OPCML: variants seen among roughly 807,000 people sequenced by gnomAD.
OPCML encodes the protein opioid binding protein/cell adhesion molecule like.
Under a neutral mutation model 37.8 loss-of-function variants are expected in OPCML, and 13 were observed. That is an observed-to-expected ratio of 0.34 (90% confidence interval 0.22 to 0.55). OPCML has a LOEUF of 0.55. OPCML is among the 20% of genes least tolerant of loss of function. The pLI is 0.91. For synonymous variants in OPCML, 176 were observed against 168.8 expected, an observed-to-expected ratio of 1.04 and a Z score of -0.33; for missense variants, 341 against 435.6, an observed-to-expected ratio of 0.78 and a Z score of 1.93.
intron 3 of OPCML, among the ~76,000 whole-genome samples, chr11:132,621,326 T>C (rs573904461): frequency 6.6e-6 from 1 of 152,288 alleles, no homozygotes; most frequent in South Asian, 2.1e-4. Context: ...AAATTAGTAG[T>C]TGTACATTCA....
At chr11:133,413,978 G>C (rs537939884) in intron 1 of OPCML, among the ~76,000 whole-genome samples, 1 of 152,164 alleles carries the variant, frequency 6.6e-6, no homozygotes, top group Non-Finnish European at 1.5e-5. Flanking sequence ...AAGAGGGAAT[G>C]TTCCCTCTCC....
chr11:133,330,163 G>T (rs1034176144), intron 1 of OPCML, among the ~76,000 whole-genome samples: 7 of 152,148 alleles, frequency 4.6e-5, no homozygotes, highest in African/African-American at 1.4e-4. Context: ...TTAGAATGGT[G>T]ATCATTAAAA....
intron 2 of OPCML, among the ~76,000 whole-genome samples, chr11:132,809,912 C>G (rs1004077042): frequency 4.6e-5 from 7 of 152,108 alleles, no homozygotes; most frequent in Non-Finnish European, 8.8e-5. Context: ...TGCAGTGGCG[C>G]GATCTCGGCT....
intron 1 of OPCML, among the ~76,000 whole-genome samples, chr11:133,507,602 G>A (rs549342950): frequency 2.0e-4 from 30 of 152,178 alleles, no homozygotes; most frequent in Admixed American, 4.6e-4. Context: ...TGATTATGGC[G>A]ACAACAATGT....
At chr11:132,606,658 C>A (rs2137814908) in intron 3 of OPCML, among the ~76,000 whole-genome samples, 1 of 131,324 alleles carries the variant, frequency 7.6e-6, no homozygotes, top group Non-Finnish European at 1.7e-5. Flanking sequence ...CCTTTTCCCA[C>A]TTCTGGGCCA....
intron 1 of OPCML, among the ~76,000 whole-genome samples, chr11:133,209,141 A>C (rs532274996): frequency 6.6e-6 from 1 of 152,352 alleles, no homozygotes; most frequent in African/African-American, 2.4e-5. Context: ...TACAGCTGTG[A>C]TTAAATAATT....
intron 2 of OPCML, chr11:132,859,296 G>A (rs1942194659): frequency 6.6e-6 from 1 of 152,172 alleles, no homozygotes; most frequent in Non-Finnish European, 1.5e-5. Context: ...CAAAGTATCA[G>A]GTTTTCAGAG....
At chr11:132,827,048 CT>C (rs1940390289) in intron 2 of OPCML, among the ~76,000 whole-genome samples, 1 of 152,250 alleles carries the variant, frequency 6.6e-6, no homozygotes, top group Non-Finnish European at 1.5e-5. Context: ...CAGAATTTCT[CT>C]TGTTCCATGG....
intron 1 of OPCML, among the ~76,000 whole-genome samples, chr11:133,405,261 T>G (rs1389810437): frequency 6.6e-6 from 1 of 152,130 alleles, no homozygotes; most frequent in Non-Finnish European, 1.5e-5. Flanking sequence ...CTGCCAGAGT[T>G]CTCCAGCAAA....
intron 1 of OPCML, among the ~76,000 whole-genome samples, chr11:133,322,596 C>CA (rs201389028): frequency 1.0e-4 from 15 of 150,722 alleles, no homozygotes; most frequent in South Asian, 6.3e-4. Flanking sequence ...AGAACAACCA[C>CA]AAAAAAAAAG....
At chr11:132,777,880 T>A (rs1046016743) in intron 2 of OPCML, among the ~76,000 whole-genome samples, 1 of 152,172 alleles carries the variant, frequency 6.6e-6, no homozygotes, top group African/African-American at 2.4e-5. Context: ...TCCCACATAA[T>A]GAGATAAACC....
chr11:133,170,619 A>G (rs1407123947), intron 1 of OPCML, among the ~76,000 whole-genome samples: 1 of 152,172 alleles, frequency 6.6e-6, no homozygotes, highest in Non-Finnish European at 1.5e-5. Context: ...ATACAAGGCA[A>G]TCAGCTAAAC....
At chr11:132,895,343 A>G (rs1489465217) in intron 2 of OPCML, among the ~76,000 whole-genome samples, 2 of 152,232 alleles carry the variant, frequency 1.3e-5, no homozygotes, top group Admixed American at 6.5e-5. Context: ...GGGATGAAGG[A>G]AAAGAATGAG....
chr11:133,113,585 T>A (rs767501742), intron 1 of OPCML, among the ~76,000 whole-genome samples: 74 of 152,350 alleles, frequency 4.9e-4, no homozygotes, highest in Non-Finnish European at 9.1e-4. Flanking sequence ...CTTTTCATAG[T>A]AGTTCAGAAA....
At chr11:133,049,308 G>T (rs1211339481) in intron 1 of OPCML, among the ~76,000 whole-genome samples, 1 of 152,184 alleles carries the variant, frequency 6.6e-6, no homozygotes, top group Non-Finnish European at 1.5e-5. Context: ...GTGGCAACTG[G>T]AATTGTCACC....
At chr11:132,489,038 A>G (rs1443762366) in intron 4 of OPCML, among the ~76,000 whole-genome samples, 3 of 152,244 alleles carry the variant, frequency 2.0e-5, no homozygotes, top group Non-Finnish European at 4.4e-5. Flanking sequence ...TTTTGTAAGA[A>G]TATTTAGCTC....
chr11:133,529,834 G>A (rs1299243210), intron 1 of OPCML, among the ~76,000 whole-genome samples: 1 of 152,150 alleles, frequency 6.6e-6, no homozygotes, highest in African/African-American at 2.4e-5. Flanking sequence ...AAAGAGAAAG[G>A]AGAAGTCGCA....
At chr11:132,773,337 A>C (rs1256365997) in intron 2 of OPCML, 22 of 152,092 alleles carry the variant, frequency 1.4e-4, no homozygotes, top group Admixed American at 1.2e-3. Context: ...CTGAAATACC[A>C]ACCACAGGCT....
intron 2 of OPCML, among the ~76,000 whole-genome samples, chr11:132,937,599 T>TGTGTGG: frequency 1.9e-5 from 1 of 53,858 alleles, no homozygotes; most frequent in Middle Eastern, 0.011. Context: ...GTGTGGGGTG[T>TGTGTGG]GTGTGTGTGT....
Sources: gnomAD v4.1 joint callset for allele counts (sites outside exome capture counted in the v4.1 genomes callset) on GRCh38, gnomAD v4.1.1 for gene constraint, MANE v1.5 for transcripts, NCBI Gene and HGNC (gene_info 2026-07-23, HGNC 2026-07-21) for gene names.